The following TERT variants were observed in gnomAD, a reference collection of about 807,000 sequenced individuals.
The protein encoded by TERT is telomerase catalytic subunit.
In TERT, 42 loss-of-function variants were observed where a neutral mutation model predicts 104.0. That is an observed-to-expected ratio of 0.40 (90% CI 0.32 to 0.52). TERT has a LOEUF of 0.52. Among genes scored for constraint, TERT ranks in the 20% least tolerant of loss-of-function variants. The probability of loss-of-function intolerance (pLI) is 0.43; values close to 1 mark genes in which losing one functional copy is unlikely to be tolerated. For missense variants in TERT, 1,101 were observed against 1,610.3 expected, an observed-to-expected ratio of 0.68 and a Z score of 5.41; for synonymous variants, 781 against 725.6, an observed-to-expected ratio of 1.08 and a Z score of -1.23.
Position 1,254,245 on chromosome 5 carries a change from C to T in TERT, c.3295+123G>A. ...TAGGGCTGCCAGCGTGGCTCCAGGC[C>T]CCCAGGGTCAGGCCCGGGGGCGTCT... On this transcript the variant is annotated intron_variant, in intron 15 of 15. Transcript: ENST00000310581. The T allele has an allele frequency of 2.9e-6, 4 of 1,374,408 alleles. No homozygotes were observed. The South Asian group carries it at 4.8e-5, about 16-fold the overall frequency. 85.1% of individuals were successfully genotyped at this position (1,374,408 alleles called of 1,614,324 possible). A position where few individuals can be genotyped will look rare whatever the true frequency, so the allele number is the denominator to read the frequency against.
At position 1,272,239 on chromosome 5, in the gene TERT, G is replaced by A. The variant is rs748248614; in HGVS notation, c.2328C>T (p.Phe776=). 6.3e-5 allele frequency: 101 copies of A among 1,612,758 alleles called. No individual in the cohort carries two copies. The highest frequency in any genetic ancestry group is 7.4e-5 in the Non-Finnish European group (87 of 1,179,856). ...LTDLQPYMRQ[F]VAHLQETSPL... ...GGCTGGTCTCCTGCAGGTGAGCCACGAACTGTCGCATGTACGGCTGGAGGT... is the reference window on the plus strand; with the variant it reads ...GGCTGGTCTCCTGCAGGTGAGCCACAAACTGTCGCATGTACGGCTGGAGGT... The change falls in exon 7 of 16, where the codon TTC becomes TTT. Residue 776 remains phenylalanine (F), a synonymous_variant. Coordinates refer to ENST00000310581, the MANE Select transcript of TERT (RefSeq NM_198253.3).
rs755718415 is a variant in TERT, at chr5:1,293,541, C to T, written c.1345G>A (p.Val449Met). The change falls in exon 2 of 16, where the codon GTG (valine) becomes ATG (methionine). Residue 449 changes from valine (V) to methionine (M), a missense_variant. This residue lies in a region of TERT where 504 missense variants were observed against 544.6 expected (regional missense o/e 0.93). Coordinates refer to ENST00000310581, the MANE Select transcript of TERT (RefSeq NM_198253.3). Reference sequence around the variant, plus strand: ...CTGCTGTGCTGGCGGAGCAGCTGCACCAGGCGACGGGGGTCTGTGTCCTCC... The same window carrying T: ...CTGCTGTGCTGGCGGAGCAGCTGCATCAGGCGACGGGGGTCTGTGTCCTCC... Reference protein sequence around the residue: ...EEEDTDPRRLVQLLRQHSSPW... With the variant: ...EEEDTDPRRLMQLLRQHSSPW... The T allele has an allele frequency of 6.4e-7, 1 of 1,551,892 alleles. No individual in the cohort carries two copies. Among genetic ancestry groups the T allele is most frequent in the South Asian group, 1.2e-5 (1 of 84,600 alleles).
chr5:1,289,884 C>T (rs369705420), intron 2 of TERT, among the ~76,000 whole-genome samples: 18 of 60,896 alleles, frequency 3.0e-4, no homozygotes, highest in East Asian at 6.3e-4. Context: ...CCGGGGGCCG[C>T]GCCTCACTCA....
chr5:1,281,117 G>A (rs756387132), intron 3 of TERT, among the ~76,000 whole-genome samples: 23 of 152,336 alleles, frequency 1.5e-4, no homozygotes, highest in Admixed American at 4.6e-4. Flanking sequence ...GGACCACCAC[G>A]TCTGTCTGCT....
Position 1,270,356 on chromosome 5 carries a change from G to A in TERT, c.2468+763C>T, listed in dbSNP as rs376255370. On this transcript the variant is annotated intron_variant, in intron 8 of 15. Coordinates refer to ENST00000310581, the MANE Select transcript of TERT (RefSeq NM_198253.3). The surrounding 1 kb of genome is among the most constrained non-coding windows in gnomAD (Gnocchi z 8.3). ...AGGCCTCCACGTTCCACCTGACTGC[G>A]GATGACCTTGCTGATGACCTTGAGT... Among the ~76,000 whole-genome samples the A allele has an allele frequency of 6.1e-4, 93 of 152,332 alleles. 2 individuals carry two copies. Among genetic ancestry groups the A allele is most frequent in the Admixed American group, 5.5e-3 (84 of 15,304 alleles).
Position 1,294,110 on chromosome 5 carries a change from G to T in TERT, c.776C>A (p.Pro259Gln). 1 of 1,585,338 alleles carries T rather than the reference G, an allele frequency of 6.3e-7. No individual in the cohort carries two copies. Among genetic ancestry groups the T allele is most frequent in the Non-Finnish European group, 8.6e-7 (1 of 1,168,304 alleles). Residue 259 changes from proline (P) to glutamine (Q), a missense_variant, in exon 2 of 16, where the codon CCG (proline) becomes CAG (glutamine). This residue lies in a region of TERT where 504 missense variants were observed against 544.6 expected (regional missense o/e 0.93). Coordinates refer to ENST00000310581, the MANE Select transcript of TERT (RefSeq NM_198253.3). ...GTCACTCGGTCCACGCGTCCTGCCC[G>T]GGTGGGCCCAGGACCCCTGCCCAAC... ...TPVGQGSWAHPGRTRGPSDRG... is the reference protein window; with the variant it reads ...TPVGQGSWAHQGRTRGPSDRG...
chr5:1,253,992 C>T (rs112105115), intron 15 of TERT, among the ~76,000 whole-genome samples, 161 bp from the exon 16 acceptor site: 7 of 152,344 alleles, frequency 4.6e-5, no homozygotes, highest in African/African-American at 1.7e-4. Flanking sequence ...CCGGGGCGAG[C>T]AGACAGGCAG....
At chr5:1,279,520 G>A (rs772401878) in intron 4 of TERT, 50 bp from the exon 5 acceptor site, 26 of 1,534,270 alleles carry the variant, frequency 1.7e-5, no homozygotes, top group South Asian at 4.8e-5. Flanking sequence ...CCGGCCAAGT[G>A]CCCACCCCAC....
intron 10 of TERT, 100 bp from the exon 11 acceptor site, chr5:1,264,692 G>A: frequency 7.0e-7 from 1 of 1,423,126 alleles, no homozygotes; most frequent in Non-Finnish European, 9.8e-7. Context: ...CAGAGAAGTG[G>A]TGATTTGGAG....
At position 1,255,328 on chromosome 5, in the gene TERT, G is replaced by A. The variant is rs763381198; in HGVS notation, c.3116C>T (p.Thr1039Met). Residue 1039 changes from threonine to methionine, a missense_variant, in exon 14 of 16, where the codon ACG becomes ATG. This residue lies in a region of TERT where 463 missense variants were observed against 797.5 expected (regional missense o/e 0.58). Coordinates refer to ENST00000310581, the MANE Select transcript of TERT (RefSeq NM_198253.3). The surrounding 1 kb of genome is among the most constrained non-coding windows in gnomAD (Gnocchi z 6.9). Reference protein sequence around the residue: ...PTFFLRVISDTASLCYSILKA... With the variant: ...PTFFLRVISDMASLCYSILKA... ...CAGGATGGAGTAGCAGAGGGAGGCC[G>A]TGTCAGAGATGACGCGCAGGAAAAA... 32 of 1,614,074 alleles carry A rather than the reference G, an allele frequency of 2.0e-5. No individual in the cohort carries two copies. The highest frequency in any genetic ancestry group is 1.1e-4 in the African/African-American group (8 of 74,950).
rs1470251394 is a variant in TERT, at chr5:1,287,205, A to T, written c.1574-4581T>A. On this transcript the variant is annotated intron_variant, in intron 2 of 15. Coordinates refer to ENST00000310581, the MANE Select transcript of TERT (RefSeq NM_198253.3). The surrounding 1 kb of genome is among the most constrained non-coding windows in gnomAD (Gnocchi z 4.3). ...CATACCCACACTATAAGAATATAAA[A>T]GTGTTGAAAATTAGGCCAGACATGG... is the stretch of plus-strand genomic sequence containing the variant. Among the ~76,000 whole-genome samples, 1 of 152,142 alleles carries T rather than the reference A, an allele frequency of 6.6e-6. No homozygotes were observed. Among genetic ancestry groups the T allele is most frequent in the African/African-American group, 2.4e-5 (1 of 41,420 alleles).
chr5:1,291,303 A>G (rs71575544), intron 2 of TERT, among the ~76,000 whole-genome samples: 7,185 of 15,094 alleles, frequency 0.48, 1,602 homozygotes, highest in African/African-American at 0.52. Flanking sequence ...AGGGACACCC[A>G]GGGACGGTGC....
Position 1,263,450 on chromosome 5 carries a change from C to A in TERT, c.2843+954G>T, listed in dbSNP as rs1468494510. On this transcript the variant is annotated intron_variant, in intron 11 of 15. Transcript: ENST00000310581. The surrounding 1 kb of genome is among the most constrained non-coding windows in gnomAD (Gnocchi z 5.3). ...ATGAAGTCTCACTCTGTTGCCCAGG[C>A]TGGAGTGCAGTGGTGTGATCTCGGC... Among the ~76,000 whole-genome samples, 2 of 151,734 alleles carry A rather than the reference C, an allele frequency of 1.3e-5. No individual in the cohort carries two copies. Among genetic ancestry groups the A allele is most frequent in the African/African-American group, 4.8e-5 (2 of 41,242 alleles).
intron 6 of TERT, among the ~76,000 whole-genome samples, chr5:1,275,265 T>G (rs1383196776): frequency 6.6e-6 from 1 of 151,058 alleles, no homozygotes; most frequent in Admixed American, 6.6e-5. Context: ...TTCCAGCTAC[T>G]TGGGAGGCTG....
chr5:1,272,447 G>A (rs944552732), intron 6 of TERT, among the ~76,000 whole-genome samples, 167 bp from the exon 7 acceptor site: 2 of 151,960 alleles, frequency 1.3e-5, no homozygotes, highest in Non-Finnish European at 2.9e-5. Context: ...GGGCCGGGGG[G>A]CCGAGGACGC....
In TERT at chr5:1,269,289, G is replaced by C. The variant is rs1407854664; in HGVS notation, c.2469-656C>G. 6.6e-6 allele frequency among the ~76,000 whole-genome samples: 1 copy of C among 152,134 alleles called. No homozygotes were observed. On this transcript the variant is annotated intron_variant, in intron 8 of 15. Coordinates refer to ENST00000310581, the MANE Select transcript of TERT (RefSeq NM_198253.3). The surrounding 1 kb of genome is among the most constrained non-coding windows in gnomAD (Gnocchi z 9.0). ...GCAAAAACAAGACCTGTTATTTTCG[G>C]GAAGCGCTATAGGTGGTCACCTTAA...
chr5:1,254,260 C>CG, intron 15 of TERT, 108 bp downstream of exon 15: 1 of 1,494,672 alleles, frequency 6.7e-7, no homozygotes, highest in South Asian at 1.1e-5. Flanking sequence ...GGGTCAGGCC[C>CG]GGGGGCGTCT....
rs550060627 is a variant in TERT at position 1,288,869 on chromosome 5, C to T, written c.1573+4444G>A. On this transcript the variant is annotated intron_variant, in intron 2 of 15. Transcript: ENST00000310581. The surrounding 1 kb of genome is among the most constrained non-coding windows in gnomAD (Gnocchi z 5.3). ...AGCTGTGGCTGCAGTGCCTGGCACG[C>T]GGGAGGCGAGAGCCTGCAGTCCCGT... Among the ~76,000 whole-genome samples the T allele has an allele frequency of 5.3e-5, 8 of 152,236 alleles. No homozygotes were observed. The East Asian group carries it at 5.8e-4, about 11-fold the overall frequency.
intron 4 of TERT, 55 bp downstream of exon 4, chr5:1,280,103 G>C: frequency 1.9e-6 from 3 of 1,607,566 alleles, no homozygotes; most frequent in Non-Finnish European, 2.6e-6. Flanking sequence ...GATACCAAAT[G>C]TGGGGCTCAA....
Sources: allele counts gnomAD v4.1 joint callset (sites outside exome capture counted in the v4.1 genomes callset), GRCh38; gene constraint gnomAD v4.1.1; regional missense constraint gnomAD v4.1.1; non-coding constraint Gnocchi (gnomAD v3.1); transcripts MANE v1.5; gene names NCBI Gene and HGNC (gene_info 2026-07-23, HGNC 2026-07-21).